Variants in ENTREP2 observed in about 807,000 individuals in gnomAD.
ENTREP2 encodes endosomal transmembrane epsin interactor 2, also known as protein ENTREP2.
the ENTREP2 span, among the ~76,000 whole-genome samples, chr15:29,393,260 T>C: frequency 6.6e-6 from 1 of 152,210 alleles, no homozygotes; most frequent in Non-Finnish European, 1.5e-5. Flanking sequence ...GGAGCCAAGT[T>C]GGAAAACTTT....
the ENTREP2 span, among the ~76,000 whole-genome samples, chr15:29,658,800 A>T: frequency 6.6e-6 from 1 of 152,196 alleles, no homozygotes; most frequent in African/African-American, 2.4e-5. Context: ...AAAACTTTAT[A>T]ATTATAGCAA....
At chr15:29,301,162 G>A in the ENTREP2 span, among the ~76,000 whole-genome samples, 1 of 152,084 alleles carries the variant, frequency 6.6e-6, no homozygotes, top group South Asian at 2.1e-4. Context: ...TTGACAGTAT[G>A]ATCATGGACT....
the ENTREP2 span, among the ~76,000 whole-genome samples, chr15:29,595,253 A>AAAAATAAAAT: frequency 1.9e-3 from 288 of 149,874 alleles, 2 homozygotes; most frequent in African/African-American, 6.1e-3. Context: ...ACTCCGTCTC[A>AAAAATAAAAT]AAAATAAAAT....
chr15:29,252,377 G>C, the ENTREP2 span: 4 of 1,548,074 alleles, frequency 2.6e-6, no homozygotes, highest in African/African-American at 4.1e-5. Flanking sequence ...CCAACTGGCA[G>C]CCTTCTAGGG....
chr15:29,158,857 A>C, the ENTREP2 span, among the ~76,000 whole-genome samples: 1 of 151,914 alleles, frequency 6.6e-6, no homozygotes, highest in East Asian at 1.9e-4. Flanking sequence ...TAGAACAAAA[A>C]CAAGAGAAAA....
chr15:29,424,034 A>G, the ENTREP2 span, among the ~76,000 whole-genome samples: 2 of 152,186 alleles, frequency 1.3e-5, no homozygotes. Context: ...CACAGCTCTT[A>G]AAGATGGTGT....
At chr15:29,617,285 G>A in the ENTREP2 span, among the ~76,000 whole-genome samples, 2 of 152,090 alleles carry the variant, frequency 1.3e-5, no homozygotes, top group Non-Finnish European at 2.9e-5. Flanking sequence ...ACACGTCCAA[G>A]GGCTGGAGAA....
chr15:29,126,477 T>C, the ENTREP2 span: 1 of 1,549,928 alleles, frequency 6.5e-7, no homozygotes, highest in Non-Finnish European at 8.7e-7. Context: ...AGGAGGCTTG[T>C]GCTGTCAGCT....
At chr15:29,390,872 T>C in the ENTREP2 span, among the ~76,000 whole-genome samples, 1 of 152,200 alleles carries the variant, frequency 6.6e-6, no homozygotes, top group Non-Finnish European at 1.5e-5. Flanking sequence ...ATGAAACATA[T>C]GGCAGATGGG....
the ENTREP2 span, among the ~76,000 whole-genome samples, chr15:29,153,885 C>T: frequency 2.0e-5 from 3 of 152,194 alleles, no homozygotes; most frequent in Non-Finnish European, 2.9e-5. Flanking sequence ...TGGCTCACTG[C>T]AGCCTCGACC....
chr15:29,391,393 G>A, the ENTREP2 span, among the ~76,000 whole-genome samples: 1 of 151,922 alleles, frequency 6.6e-6, no homozygotes, highest in Non-Finnish European at 1.5e-5. Flanking sequence ...CCTACTGATA[G>A]AAAAAGAACT....
At chr15:29,385,671 G>T in the ENTREP2 span, among the ~76,000 whole-genome samples, 13 of 152,220 alleles carry the variant, frequency 8.5e-5, no homozygotes, top group Middle Eastern at 3.4e-3. Context: ...CTGGCCAGGT[G>T]ACTCTTCTAT....
At chr15:29,219,622 TATATATATATA>T in the ENTREP2 span, among the ~76,000 whole-genome samples, 1 of 16,066 alleles carries the variant, frequency 6.2e-5, no homozygotes, top group South Asian at 3.5e-3. Context: ...TAAATATATA[TATATATATATA>T]TATATATATA....
the ENTREP2 span, among the ~76,000 whole-genome samples, chr15:29,237,696 C>A: frequency 6.6e-6 from 1 of 152,152 alleles, no homozygotes; most frequent in East Asian, 1.9e-4. Context: ...GGAACCCTCA[C>A]GCGTTGCTGC....
the ENTREP2 span, among the ~76,000 whole-genome samples, chr15:29,176,030 C>T: frequency 6.6e-6 from 1 of 152,162 alleles, no homozygotes; most frequent in Non-Finnish European, 1.5e-5. Flanking sequence ...AGATTAAGGA[C>T]GAAGCTAAAA....
the ENTREP2 span, among the ~76,000 whole-genome samples, chr15:29,204,531 G>A: frequency 6.6e-6 from 1 of 152,138 alleles, no homozygotes; most frequent in Non-Finnish European, 1.5e-5. Flanking sequence ...CGAGGAGGAA[G>A]GAGGCGCAGC....
At chr15:29,334,004 C>G in the ENTREP2 span, among the ~76,000 whole-genome samples, 1 of 152,098 alleles carries the variant, frequency 6.6e-6, no homozygotes, top group African/African-American at 2.4e-5. Context: ...AGGAGGGAGA[C>G]CTGGAACAGA....
the ENTREP2 span, among the ~76,000 whole-genome samples, chr15:29,670,049 T>C: frequency 6.6e-6 from 1 of 152,220 alleles, no homozygotes; most frequent in Non-Finnish European, 1.5e-5. Context: ...TCAGCTCAGC[T>C]GTCAAGCAAG....
the ENTREP2 span, among the ~76,000 whole-genome samples, chr15:29,270,355 T>A: frequency 2.0e-5 from 3 of 152,224 alleles, no homozygotes; most frequent in Admixed American, 1.3e-4. Flanking sequence ...AGGACTTCAG[T>A]TTCACTATTT....
Sources: allele counts gnomAD v4.1 joint callset (sites outside exome capture counted in the v4.1 genomes callset), GRCh38; gene constraint gnomAD v4.1.1; transcripts MANE v1.5; gene names NCBI Gene and HGNC (gene_info 2026-07-23, HGNC 2026-07-21).